The following BRINP2 variants were observed in gnomAD, a reference collection of about 807,000 sequenced individuals.
BRINP2 encodes BMP/retinoic acid inducible neural specific 2, also known as BMP/retinoic acid-inducible neural-specific protein 2.
Under a neutral mutation model 69.2 loss-of-function variants are expected in BRINP2, and 21 were observed. The observed-to-expected ratio is 0.30, with a 90% CI of 0.22 to 0.44. BRINP2 has a LOEUF of 0.44. Ranked by LOEUF, BRINP2 falls within the 20% of genes least tolerant of loss-of-function variation. The pLI, the probability that BRINP2 is intolerant of heterozygous loss-of-function variation, is 1.00. For missense variants in BRINP2, 877 were observed against 986.0 expected (o/e 0.89, Z 1.48); for synonymous variants, 380 against 394.1 (o/e 0.96, Z 0.42).
rs180847875 is a variant in BRINP2, at chr1:177,265,452, A to G, written c.670-8036A>G. 3.9e-4 allele frequency among the ~76,000 whole-genome samples: 60 copies of G among 152,180 alleles called. 1 individual carries two copies. The highest frequency in any genetic ancestry group is 1.3e-3 in the African/African-American group (56 of 41,498). On this transcript the variant is annotated intron_variant, in intron 4 of 7. Coordinates refer to ENST00000361539, the MANE Select transcript of BRINP2 (RefSeq NM_021165.4). The stretch of plus-strand genomic sequence containing the variant: ...TTAATCTAGGACTTCATCAACTTTT[A>G]CCTGATTTTCTTGCATTATCCTGTT...
In BRINP2 at chr1:177,280,691, G is replaced by C; in HGVS notation, c.1515G>C (p.Leu505=). The change falls in exon 8 of 8, where the codon CTG becomes CTC. Residue 505 remains leucine (L), a synonymous_variant. Coordinates refer to ENST00000361539, the MANE Select transcript of BRINP2 (RefSeq NM_021165.4). ...VAESLENFLG[L]ETDLQDLELK... The stretch of plus-strand genomic sequence containing the variant: ...AGTCCCTGGAAAACTTTCTTGGGCT[G>C]GAGACAGACTTGCAGGACCTGGAGC... The C allele has an allele frequency of 6.2e-7, 1 of 1,614,234 alleles. No homozygotes were observed. Among genetic ancestry groups the C allele is most frequent in the East Asian group, 2.2e-5 (1 of 44,880 alleles).
chr1:177,230,600 C>T (rs1263197312), intron 2 of BRINP2, among the ~76,000 whole-genome samples: 4 of 152,214 alleles, frequency 2.6e-5, no homozygotes, highest in Non-Finnish European at 5.9e-5. Flanking sequence ...CTGGGGAGCC[C>T]TGAAGGGTCA....
intron 2 of BRINP2, among the ~76,000 whole-genome samples, chr1:177,243,904 A>G (rs570305458): frequency 1.8e-3 from 277 of 150,988 alleles, no homozygotes; most frequent in African/African-American, 6.4e-3. Context: ...GGTTTGAAGG[A>G]CTAGACCTGG....
chr1:177,219,178 A>C (rs958814543), intron 1 of BRINP2, among the ~76,000 whole-genome samples: 19 of 152,158 alleles, frequency 1.2e-4, no homozygotes, highest in African/African-American at 4.3e-4. Context: ...CCAAAAGGTT[A>C]ATTATGATAT....
intron 1 of BRINP2, among the ~76,000 whole-genome samples, chr1:177,183,655 T>G (rs1327983633): frequency 6.6e-6 from 1 of 152,194 alleles, no homozygotes; most frequent in Non-Finnish European, 1.5e-5. Context: ...GTAGCAAGCT[T>G]ATATTCAAGA....
chr1:177,209,342 G>A (rs1649158873), intron 1 of BRINP2, among the ~76,000 whole-genome samples: 2 of 152,188 alleles, frequency 1.3e-5, no homozygotes, highest in South Asian at 2.1e-4. Context: ...GATGTCAGGA[G>A]GGCAGCTGCA....
intron 1 of BRINP2, among the ~76,000 whole-genome samples, chr1:177,181,670 T>C (rs1474506194): frequency 2.0e-5 from 3 of 152,236 alleles, no homozygotes; most frequent in Non-Finnish European, 4.4e-5. Flanking sequence ...CAGCCATTTA[T>C]CATCAATACG....
intron 1 of BRINP2, among the ~76,000 whole-genome samples, chr1:177,210,379 T>C (rs1325384193): frequency 6.6e-6 from 1 of 152,112 alleles, no homozygotes; most frequent in East Asian, 1.9e-4. Context: ...TCTAGAACCA[T>C]GCTTCACTCA....
intron 1 of BRINP2, among the ~76,000 whole-genome samples, chr1:177,182,466 C>G (rs1201022078): frequency 6.6e-6 from 1 of 152,120 alleles, no homozygotes; most frequent in Non-Finnish European, 1.5e-5. Context: ...ATACAGACAG[C>G]TGCTGATTCT....
intron 1 of BRINP2, among the ~76,000 whole-genome samples, chr1:177,182,911 GT>G (rs1195195105): frequency 6.6e-6 from 1 of 152,240 alleles, no homozygotes; most frequent in East Asian, 1.9e-4. Context: ...ATAAATGACA[GT>G]TCTTTTTCTT....
rs1425732591 is a variant in BRINP2, at chr1:177,276,316, G to C, written c.894G>C (p.Lys298Asn). 4 of 1,614,094 alleles carry C rather than the reference G, an allele frequency of 2.5e-6. No homozygotes were observed. Among genetic ancestry groups the C allele is most frequent in the Non-Finnish European group, 3.4e-6 (4 of 1,180,052 alleles). ...GCAAGGAGAATGACTGCTGGTGCAA[G>C]TGCAGCCCCACCTTCCCTGAATGCA... ...LVCKENDCWC[K>N]CSPTFPECNC... Residue 298 changes from lysine to asparagine, a missense_variant, in exon 6 of 8, where the codon AAG becomes AAC. By Grantham distance (94) the Lys-to-Asn change is moderately conservative. Around this residue, in one of 3 missense-constraint regions of BRINP2, gnomAD observed 566 missense variants for 625.2 expected, o/e 0.91. Transcript: ENST00000361539.
chr1:177,205,347 G>T (rs889091216), intron 1 of BRINP2, among the ~76,000 whole-genome samples: 1 of 152,138 alleles, frequency 6.6e-6, no homozygotes, highest in Non-Finnish European at 1.5e-5. Context: ...CGCCACATTG[G>T]CCAGGCTGGT....
intron 2 of BRINP2, among the ~76,000 whole-genome samples, chr1:177,244,026 C>A (rs1456352504): frequency 6.6e-6 from 1 of 152,086 alleles, no homozygotes; most frequent in Admixed American, 6.6e-5. Context: ...AAAATGGAAA[C>A]ATCTTTGGAA....
intron 1 of BRINP2, among the ~76,000 whole-genome samples, chr1:177,201,413 C>G (rs1316792477): frequency 6.6e-6 from 1 of 152,192 alleles, no homozygotes; most frequent in Non-Finnish European, 1.5e-5. Flanking sequence ...ACTATTTCTT[C>G]AGTTTTCTCT....
At chr1:177,173,276 C>T (rs1484989566) in intron 1 of BRINP2, among the ~76,000 whole-genome samples, 1 of 152,194 alleles carries the variant, frequency 6.6e-6, no homozygotes, top group Non-Finnish European at 1.5e-5. Context: ...AAGATGCATG[C>T]CTTGCTTCTT....
At chr1:177,257,114 C>G (rs1220813976) in intron 3 of BRINP2, 62 bp from the exon 4 acceptor site, 1 of 1,602,128 alleles carries the variant, frequency 6.2e-7, no homozygotes, top group African/African-American at 1.3e-5. Context: ...GTTTTATGTT[C>G]CTATTGGTAG....
chr1:177,238,667 A>G (rs1344290024), intron 2 of BRINP2, among the ~76,000 whole-genome samples: 2 of 152,200 alleles, frequency 1.3e-5, no homozygotes, highest in African/African-American at 4.8e-5. Flanking sequence ...GGCTCTCGCC[A>G]ATCTCCCCAA....
intron 2 of BRINP2, among the ~76,000 whole-genome samples, chr1:177,254,715 A>G (rs954872562): frequency 1.2e-4 from 18 of 152,158 alleles, no homozygotes; most frequent in East Asian, 1.9e-4. Context: ...GAATTAAGCC[A>G]GACTCTGCAA....
intron 4 of BRINP2, among the ~76,000 whole-genome samples, chr1:177,263,335 A>C (rs968269921): frequency 3.9e-5 from 6 of 152,198 alleles, no homozygotes; most frequent in African/African-American, 1.4e-4. Context: ...AGGGGGAGTA[A>C]CAAGAAAAAT....
Sources: gnomAD v4.1 joint callset for allele counts (sites outside exome capture counted in the v4.1 genomes callset) on GRCh38, gnomAD v4.1.1 for gene constraint, gnomAD v4.1.1 regional missense constraint, MANE v1.5 for transcripts, NCBI Gene and HGNC (gene_info 2026-07-23, HGNC 2026-07-21) for gene names.